CSMD1: variants seen among roughly 807,000 people sequenced by gnomAD.
CSMD1 encodes CUB and sushi domain-containing protein 1.
Under a neutral mutation model 417.5 loss-of-function variants are expected in CSMD1, and 213 were observed. The observed-to-expected ratio is 0.51, with a 90% CI of 0.46 to 0.57. The LOEUF is 0.57. CSMD1 is among the 20% of genes least tolerant of loss of function. The pLI is 0.00. For synonymous variants in CSMD1, 2,862 were observed against 1,736.8 expected (o/e 1.65, Z -16.11); for missense variants, 6,923 against 4,529.7 (o/e 1.53, Z -15.17).
intron 6 of CSMD1, among the ~76,000 whole-genome samples, chr8:3,733,209 T>C (rs970068021): frequency 1.3e-5 from 2 of 148,646 alleles, no homozygotes; most frequent in Non-Finnish European, 3.0e-5. Context: ...ACACACACTC[T>C]CTCTCTCTCA....
chr8:4,102,714 A>G (rs967705801), intron 3 of CSMD1, among the ~76,000 whole-genome samples: 5 of 152,200 alleles, frequency 3.3e-5, no homozygotes, highest in Admixed American at 2.6e-4. Context: ...AAATGTATCC[A>G]AAAGATTTTA....
At chr8:4,753,630 C>T (rs1017751461) in intron 1 of CSMD1, among the ~76,000 whole-genome samples, 2 of 152,154 alleles carry the variant, frequency 1.3e-5, no homozygotes, top group Non-Finnish European at 2.9e-5. Context: ...CTCACTGTTC[C>T]GCAGCAGGAC....
chr8:4,350,297 G>C (rs539489299), intron 3 of CSMD1, among the ~76,000 whole-genome samples: 1 of 152,314 alleles, frequency 6.6e-6, no homozygotes, highest in Admixed American at 6.5e-5. Context: ...TGACTGTGCT[G>C]TCTACTTGAG....
At chr8:4,306,471 A>G (rs1198576867) in intron 3 of CSMD1, among the ~76,000 whole-genome samples, 2 of 152,216 alleles carry the variant, frequency 1.3e-5, no homozygotes, top group African/African-American at 2.4e-5. Flanking sequence ...CATATTGTGA[A>G]TGCCTCAGCA....
At chr8:3,274,865 G>T (rs1802154079) in intron 26 of CSMD1, among the ~76,000 whole-genome samples, 1 of 152,128 alleles carries the variant, frequency 6.6e-6, no homozygotes, top group African/African-American at 2.4e-5. Flanking sequence ...ACACTGATGG[G>T]TCTTGACTCT....
intron 25 of CSMD1, among the ~76,000 whole-genome samples, chr8:3,300,979 AAAG>A (rs1391082911): frequency 4.0e-5 from 6 of 149,738 alleles, no homozygotes; most frequent in Admixed American, 6.7e-5. Flanking sequence ...AAAAAAAAAA[AAAG>A]AGAAAGAAAA....
At chr8:4,260,930 A>T (rs1464170841) in intron 3 of CSMD1, among the ~76,000 whole-genome samples, 1 of 152,156 alleles carries the variant, frequency 6.6e-6, no homozygotes, top group African/African-American at 2.4e-5. Flanking sequence ...GTTAGTATTT[A>T]CCTGGTGTAT....
intron 3 of CSMD1, among the ~76,000 whole-genome samples, chr8:4,398,682 A>C (rs933185832): frequency 1.3e-5 from 2 of 152,180 alleles, no homozygotes; most frequent in Non-Finnish European, 2.9e-5. Flanking sequence ...GGCATGAGCC[A>C]TCACACCCGG....
chr8:3,117,420 T>C (rs753348473), intron 42 of CSMD1, among the ~76,000 whole-genome samples: 1 of 152,182 alleles, frequency 6.6e-6, no homozygotes, highest in Non-Finnish European at 1.5e-5. Context: ...ATATGCTTCT[T>C]TTACTTCTTC....
chr8:4,735,062 C>A (rs777601234), intron 1 of CSMD1, among the ~76,000 whole-genome samples: 87 of 152,308 alleles, frequency 5.7e-4, no homozygotes, highest in Non-Finnish European at 1.0e-3. Context: ...TCAGTAGAAG[C>A]AAATTGCTGC....
chr8:3,980,215 T>C (rs1157199284), intron 5 of CSMD1, among the ~76,000 whole-genome samples: 18 of 152,238 alleles, frequency 1.2e-4, no homozygotes, highest in Admixed American at 1.2e-3. Context: ...CTATGCCTCA[T>C]CTTATCAACC....
intron 8 of CSMD1, among the ~76,000 whole-genome samples, chr8:3,601,583 A>T (rs1365268632): frequency 2.0e-5 from 3 of 152,308 alleles, no homozygotes; most frequent in Non-Finnish European, 4.4e-5. Context: ...ACTAGTCACC[A>T]CAATCTACTG....
At chr8:2,949,009 A>G (rs1415086352) in intron 68 of CSMD1, among the ~76,000 whole-genome samples, 1 of 151,574 alleles carries the variant, frequency 6.6e-6, no homozygotes, top group African/African-American at 2.4e-5. Flanking sequence ...TTCTTTGGGT[A>G]ATATACTTTG....
At chr8:3,224,785 G>A (rs1798403208) in intron 27 of CSMD1, among the ~76,000 whole-genome samples, 1 of 152,202 alleles carries the variant, frequency 6.6e-6, no homozygotes, top group Admixed American at 6.5e-5. Context: ...GAATTGGAAA[G>A]TATTTAGGAT....
intron 3 of CSMD1, among the ~76,000 whole-genome samples, chr8:4,186,559 G>A (rs915422234): frequency 6.6e-5 from 10 of 152,216 alleles, no homozygotes; most frequent in African/African-American, 1.2e-4. Flanking sequence ...TATAAAAGAC[G>A]AAATAATAGG....
chr8:4,862,002 AG>A (rs1453195355), intron 1 of CSMD1, among the ~76,000 whole-genome samples: 1 of 152,220 alleles, frequency 6.6e-6, no homozygotes, highest in East Asian at 1.9e-4. Context: ...ATGAAAATAA[AG>A]TAGGATTTTG....
At chr8:4,178,950 A>T (rs541096947) in intron 3 of CSMD1, among the ~76,000 whole-genome samples, 7 of 152,292 alleles carry the variant, frequency 4.6e-5, no homozygotes, top group Non-Finnish European at 8.8e-5. Context: ...ATGGAAGAAC[A>T]TTCCATGCTC....
rs189069676 is a variant in CSMD1 at position 3,506,709 on chromosome 8, G to T, written c.1345-12983C>A. Among the ~76,000 whole-genome samples the T allele has an allele frequency of 4.8e-3, 731 of 152,292 alleles. 5 individuals are homozygous for T. Among genetic ancestry groups the T allele is most frequent in the South Asian group, 0.024 (116 of 4,826 alleles). ...AATTTGGGGTGTCATGAAGATAAAAGAAAGGAGGCAATGATTGACTGTATA... is the reference window on the plus strand; with the variant it reads ...AATTTGGGGTGTCATGAAGATAAAATAAAGGAGGCAATGATTGACTGTATA... On this transcript the variant is annotated intron_variant, in intron 10 of 69. Coordinates refer to ENST00000635120, the MANE Select transcript of CSMD1 (RefSeq NM_033225.6).
At chr8:3,963,673 G>C (rs890108338) in intron 5 of CSMD1, among the ~76,000 whole-genome samples, 6 of 152,156 alleles carry the variant, frequency 3.9e-5, no homozygotes, top group African/African-American at 1.4e-4. Context: ...GATTTTGTAT[G>C]TGTGTAAGTG....
Sources: gnomAD v4.1 joint callset for allele counts (sites outside exome capture counted in the v4.1 genomes callset) on GRCh38, gnomAD v4.1.1 for gene constraint, MANE v1.5 for transcripts, NCBI Gene and HGNC (gene_info 2026-07-23, HGNC 2026-07-21) for gene names.